The following ZC4H2 variants were observed in gnomAD, a reference collection of about 807,000 sequenced individuals.
The protein encoded by ZC4H2 is zinc finger C4H2 domain-containing protein.
For synonymous variants in ZC4H2, 84 were observed against 66.3 expected, an observed-to-expected ratio of 1.27 and a Z score of -1.30; for missense variants, 137 against 173.9, an observed-to-expected ratio of 0.79 and a Z score of 1.19.
intron 1 of ZC4H2, among the ~76,000 whole-genome samples, chrX:64,929,187 C>T (rs1405379731): frequency 9.0e-6 from 1 of 111,182 alleles, no homozygotes; most frequent in Admixed American, 9.6e-5. Flanking sequence ...GTCACTGCAC[C>T]TGCCCCTTTG....
At position 64,999,068 on chromosome X, in the gene ZC4H2, T is replaced by A. The variant is rs953394287; in HGVS notation, c.-272+35561A>T. ...TTTTTTTTTTTTTTTTTTTTTTTTT[T>A]AATCTATTCTGCCAATCTTTGTCCT... On this transcript the variant is annotated intron_variant, in intron 1 of 4. Coordinates refer to the ZC4H2 transcript ENST00000337990. 8.6e-4 allele frequency among the ~76,000 whole-genome samples: 65 copies of A among 75,768 alleles called. 1 individual carries two copies. Among genetic ancestry groups the A allele is most frequent in the African/African-American group, 2.9e-3 (64 of 22,267 alleles). 65.8% of individuals were successfully genotyped at this position (75,768 alleles called of 115,157 possible).
At chrX:64,954,568 TTAATGC>T (rs776457780) in intron 1 of ZC4H2, among the ~76,000 whole-genome samples, 33 of 105,158 alleles carry the variant, frequency 3.1e-4, no homozygotes, top group African/African-American at 1.1e-3. Context: ...AGTTAGTTGC[TTAATGC>T]TGATGCTGTT....
intron 1 of ZC4H2, among the ~76,000 whole-genome samples, chrX:64,963,048 C>T (rs1931458176): frequency 9.0e-6 from 1 of 110,502 alleles, no homozygotes; most frequent in Non-Finnish European, 1.9e-5. Flanking sequence ...TACAAAGCTG[C>T]AGTAATTAAA....
intron 1 of ZC4H2, among the ~76,000 whole-genome samples, chrX:65,000,650 G>T (rs1309421607): frequency 8.9e-6 from 1 of 112,075 alleles, no homozygotes; most frequent in East Asian, 2.8e-4. Flanking sequence ...AGCTAAAGGA[G>T]CATGTTCTAA....
chrX:65,004,442 A>G (rs1439721971), intron 1 of ZC4H2, among the ~76,000 whole-genome samples: 1 of 112,148 alleles, frequency 8.9e-6, no homozygotes, highest in African/African-American at 3.2e-5. Flanking sequence ...CAAATCAATA[A>G]ACGTAATCCA....
At chrX:64,990,872 ACT>A (rs1932296098) in intron 1 of ZC4H2, among the ~76,000 whole-genome samples, 1 of 110,101 alleles carries the variant, frequency 9.1e-6, no homozygotes, top group African/African-American at 3.3e-5. Flanking sequence ...CTTTCTTTCC[ACT>A]CTTGTGTTAA....
intron 1 of ZC4H2, among the ~76,000 whole-genome samples, chrX:64,998,736 C>G (rs1932466666): frequency 9.0e-6 from 1 of 110,993 alleles, no homozygotes; most frequent in Non-Finnish European, 1.9e-5. Flanking sequence ...ATAGAATTAT[C>G]TATTTTCTTC....
At position 64,956,209 on chromosome X, in the gene ZC4H2, A is replaced by G. The variant is rs190755595; in HGVS notation, c.53+20116T>C. ...TGGAGAAATACATAAAATGTAGAAT[A>G]TAAAAATTCAGTTGTAGGGGATTAA... On this transcript the variant is annotated intron_variant, in intron 1 of 4. Transcript: ENST00000374839. Among the ~76,000 whole-genome samples, 14 of 111,907 alleles carry G rather than the reference A, an allele frequency of 1.3e-4. No homozygotes were observed. In the East Asian group the frequency reaches 3.7e-3, roughly 29 times the overall value.
intron 1 of ZC4H2, among the ~76,000 whole-genome samples, chrX:64,943,610 G>A (rs1216024131): frequency 9.5e-6 from 1 of 105,007 alleles, no homozygotes; most frequent in Non-Finnish European, 2.0e-5. Flanking sequence ...CTTGATCTTT[G>A]TTGTTTAAGG....
intron 1 of ZC4H2, among the ~76,000 whole-genome samples, chrX:64,930,039 T>C (rs764751715): frequency 1.8e-5 from 2 of 111,802 alleles, no homozygotes; most frequent in African/African-American, 6.5e-5. Context: ...TCATCTATGA[T>C]CTTTTTTAGG....
chrX:65,011,466 A>G (rs935389612), intron 1 of ZC4H2, among the ~76,000 whole-genome samples: 7 of 111,372 alleles, frequency 6.3e-5, no homozygotes, highest in Non-Finnish European at 1.1e-4. Flanking sequence ...ACCCAATTTC[A>G]ATATTTGTAT....
chrX:65,019,628 C>T (rs1406695624), intron 1 of ZC4H2, among the ~76,000 whole-genome samples: 1 of 112,112 alleles, frequency 8.9e-6, no homozygotes, highest in Non-Finnish European at 1.9e-5. Flanking sequence ...CGCCTCTTCT[C>T]CTCCAAAGGA....
intron 1 of ZC4H2, among the ~76,000 whole-genome samples, chrX:64,953,407 T>C (rs1031133003): frequency 1.8e-5 from 2 of 111,834 alleles, no homozygotes; most frequent in Admixed American, 1.9e-4. Context: ...GGAGAAAATT[T>C]TTGCAATGTA....
At chrX:64,985,457 C>T (rs1932166411) in intron 1 of ZC4H2, among the ~76,000 whole-genome samples, 1 of 111,490 alleles carries the variant, frequency 9.0e-6, no homozygotes. Context: ...AAAATTTCTT[C>T]ATATGCTTGT....
At chrX:64,924,229 C>T (rs979213356) in intron 1 of ZC4H2, among the ~76,000 whole-genome samples, 1 of 112,219 alleles carries the variant, frequency 8.9e-6, no homozygotes, top group Non-Finnish European at 1.9e-5. Flanking sequence ...TAGACTCAGA[C>T]TTCAATTATA....
intron 1 of ZC4H2, among the ~76,000 whole-genome samples, chrX:64,931,244 T>A (rs774712440): frequency 4.5e-5 from 5 of 112,021 alleles, no homozygotes; most frequent in Non-Finnish European, 9.4e-5. Context: ...TTTGGATCTT[T>A]TCTTGGTTAA....
intron 1 of ZC4H2, among the ~76,000 whole-genome samples, chrX:65,000,215 G>A (rs1932509382): frequency 8.9e-6 from 1 of 111,861 alleles, no homozygotes; most frequent in South Asian, 3.7e-4. Context: ...TCTGGTGGGT[G>A]CCCCTCTAGG....
chrX:64,965,521 T>G (rs1486747430), intron 1 of ZC4H2: 1 of 303,511 alleles, frequency 3.3e-6, no homozygotes, highest in South Asian at 3.0e-5. Context: ...AAAATAAAAT[T>G]TCTGGAAGAA....
At position 65,026,433 on chromosome X, in the gene ZC4H2, G is replaced by A. The variant is rs751819070; in HGVS notation, c.-272+8196C>T. On this transcript the variant is annotated intron_variant, in intron 1 of 4. Coordinates refer to the ZC4H2 transcript ENST00000337990. ...GAGCAACGAAAGGAATTTAGCGGCC[G>A]GGTGCGGTGGCTCACGTATGTAATC... Among the ~76,000 whole-genome samples, 9 of 111,638 alleles carry A rather than the reference G, an allele frequency of 8.1e-5. No individual in the cohort carries two copies. In the South Asian group the frequency reaches 2.3e-3, roughly 28 times the overall value.
Sources: gnomAD v4.1 joint callset for allele counts (sites outside exome capture counted in the v4.1 genomes callset) on GRCh38, gnomAD v4.1.1 for gene constraint, MANE v1.5 for transcripts, NCBI Gene and HGNC (gene_info 2026-07-23, HGNC 2026-07-21) for gene names.